Variants in REXO5 observed in about 807,000 individuals in gnomAD.
REXO5 encodes the protein exonuclease NEF-sp.
A neutral mutation model predicts 88.5 loss-of-function variants in REXO5; 48 were observed. That is an observed-to-expected ratio of 0.54 (90% CI 0.43 to 0.69). The LOEUF (loss-of-function observed/expected upper bound fraction) is 0.69. Among genes scored for constraint, REXO5 ranks in the 30% least tolerant of loss-of-function variants. The pLI is 0.00. For synonymous variants in REXO5, 311 were observed against 336.5 expected, an observed-to-expected ratio of 0.92 and a Z score of 0.83; for missense variants, 749 against 912.2, an observed-to-expected ratio of 0.82 and a Z score of 2.30.
intron 11 of REXO5, 21 bp downstream of exon 11, chr16:20,828,558 T>C: frequency 1.0e-5 from 15 of 1,488,764 alleles, no homozygotes; most frequent in Non-Finnish European, 1.4e-5. Flanking sequence ...TTGCCCAGTG[T>C]GTTCACCTTT....
At chr16:20,843,205 C>T (rs1239629564) in intron 15 of REXO5, among the ~76,000 whole-genome samples, 1 of 151,940 alleles carries the variant, frequency 6.6e-6, no homozygotes, top group Admixed American at 6.6e-5. Flanking sequence ...CAGTGTTTGC[C>T]CATTTTTAAA....
intron 13 of REXO5, 42 bp downstream of exon 13, chr16:20,833,165 G>C: frequency 6.3e-7 from 1 of 1,592,360 alleles, no homozygotes; most frequent in Non-Finnish European, 8.6e-7. Flanking sequence ...ATTCAAAGCA[G>C]AGGGGAATGT....
chr16:20,816,952 G>A (rs1355299646), intron 5 of REXO5, among the ~76,000 whole-genome samples: 1 of 152,214 alleles, frequency 6.6e-6, no homozygotes, highest in Non-Finnish European at 1.5e-5. Context: ...ATTCATGATA[G>A]CAGTGTGTTT....
At chr16:20,845,770 G>T (rs560329694) in intron 18 of REXO5, among the ~76,000 whole-genome samples, 55 of 152,080 alleles carry the variant, frequency 3.6e-4, no homozygotes, top group Middle Eastern at 6.8e-3. Flanking sequence ...AAATGTTAGA[G>T]GGATATACAA....
intron 11 of REXO5, among the ~76,000 whole-genome samples, chr16:20,828,987 T>G (rs2081300833): frequency 6.6e-6 from 1 of 151,610 alleles, no homozygotes; most frequent in African/African-American, 2.4e-5. Flanking sequence ...GATTGAATCC[T>G]AAAAAAAGAA....
intron 13 of REXO5, among the ~76,000 whole-genome samples, chr16:20,836,106 T>G (rs1376453408): frequency 6.6e-6 from 1 of 152,094 alleles, no homozygotes; most frequent in Non-Finnish European, 1.5e-5. Flanking sequence ...CTTCCACCAT[T>G]ATCAACAACC....
Position 20,825,900 on chromosome 16 carries a change from T to C in REXO5, c.773T>C (p.Met258Thr). ...SLVAEGGCCV[M>T]DELVKPENKI... ...GTTGCTGAAGGAGGCTGCTGTGTTA[T>C]GGATGAACTGGTCAAACCTGAAAAC... Residue 258 changes from methionine to threonine, a missense_variant, in exon 8 of 20, where the codon ATG becomes ACG. Met to Thr is a moderately conservative substitution (Grantham distance 81, BLOSUM62 -1). Transcript: ENST00000261377. 1 of 1,614,086 alleles carries C rather than the reference T, an allele frequency of 6.2e-7. No homozygotes were observed. Among genetic ancestry groups the C allele is most frequent in the Non-Finnish European group, 8.5e-7 (1 of 1,180,000 alleles).
intron 11 of REXO5, 41 bp downstream of exon 11, chr16:20,828,578 C>T (rs2152505935): frequency 1.5e-6 from 2 of 1,326,104 alleles, no homozygotes; most frequent in African/African-American, 1.4e-5. Context: ...TTCTTAAAAT[C>T]ATGGGACTAG....
At position 20,849,464 on chromosome 16, in the gene REXO5, C is replaced by A. The variant is rs776094899; in HGVS notation, c.2309C>A (p.Pro770Gln). The A allele has an allele frequency of 6.2e-7, 1 of 1,614,052 alleles. No homozygotes were observed. The highest frequency in any genetic ancestry group is 8.5e-7 in the Non-Finnish European group (1 of 1,179,912). Reference sequence around the variant, plus strand: ...AAAGAGGAAGAAGAAAGCGCTGGCCCAGGCCTGTGTTCGTGAGTCGGCCTG... The same window carrying A: ...AAAGAGGAAGAAGAAAGCGCTGGCCAAGGCCTGTGTTCGTGAGTCGGCCTG... ...GIKEEEESAG[P>Q]GLCS The change falls in exon 20 of 20, where the codon CCA (proline) becomes CAA (glutamine). Residue 770 changes from proline to glutamine, a missense_variant. Pro to Gln is a moderately conservative substitution (Grantham distance 76). Coordinates refer to ENST00000261377, the MANE Select transcript of REXO5 (RefSeq NM_030941.3).
Position 20,825,864 on chromosome 16 carries a change from G to T in REXO5, c.737G>T (p.Arg246Leu). 6.2e-7 allele frequency: 1 copy of T among 1,613,934 alleles called. No individual in the cohort carries two copies. The highest frequency in any genetic ancestry group is 8.5e-7 in the Non-Finnish European group (1 of 1,179,862). Residue 246 changes from arginine to leucine, a missense_variant, in exon 8 of 20, where the codon CGC (arginine) becomes CTC (leucine). Arg to Leu is a moderately radical substitution (Grantham distance 102). Coordinates refer to ENST00000261377, the MANE Select transcript of REXO5 (RefSeq NM_030941.3). ...CLTSKGRELT[R>L]ISLVAEGGCC... is the part of the protein sequence containing the mutation. ...ACATCCAAGGGGAGAGAGCTAACAC[G>T]CATCTCACTGGTTGCTGAAGGAGGC...
At chr16:20,838,303 G>C (rs2081469010) in intron 13 of REXO5, among the ~76,000 whole-genome samples, 1 of 151,738 alleles carries the variant, frequency 6.6e-6, no homozygotes, top group Non-Finnish European at 1.5e-5. Flanking sequence ...CATCTTAACT[G>C]TTTTTATGTA....
chr16:20,824,519 T>C lies in REXO5; in HGVS notation c.697T>C (p.Cys233Arg), dbSNP rs770470364. 2 of 1,600,534 alleles carry C rather than the reference T, an allele frequency of 1.2e-6. No individual in the cohort carries two copies. Among genetic ancestry groups the C allele is most frequent in the Non-Finnish European group, 1.7e-6 (2 of 1,168,112 alleles). ...CAATAGTCCTCTCTTTGGACTTGAC[T>C]GTGAAATGGCACGTACTACTTTTAA... ...ADNSPLFGLD[C>R]EMCLTSKGRE... Residue 233 changes from cysteine (C) to arginine (R), a missense_variant, in exon 7 of 20, where the codon TGT becomes CGT. Cys to Arg is a radical substitution (Grantham distance 180). Transcript: ENST00000261377.
chr16:20,814,271 C>G (rs7192934), intron 3 of REXO5, among the ~76,000 whole-genome samples: 7,674 of 152,190 alleles, frequency 0.05, 598 homozygotes, highest in African/African-American at 0.17. Context: ...GAGCCTCGCT[C>G]TGTCACCTAG....
At chr16:20,816,031 C>G in intron 4 of REXO5, 85 bp from the exon 5 acceptor site, 1 of 1,027,476 alleles carries the variant, frequency 9.7e-7, no homozygotes. Flanking sequence ...TTTCAAAGCA[C>G]TGAGGTGACA....
In REXO5 at chr16:20,813,286, A is replaced by T; in HGVS notation, c.235A>T (p.Asn79Tyr). The change falls in exon 3 of 20, where the codon AAT (asparagine) becomes TAT (tyrosine). Residue 79 changes from asparagine (N) to tyrosine (Y), a missense_variant. Physicochemically the swap from Asn to Tyr is moderately radical, Grantham distance 143 (BLOSUM62 -2). Transcript: ENST00000261377. ...LLKYAVLGKSNVPKPSWCQLF... is the reference protein window; with the variant it reads ...LLKYAVLGKSYVPKPSWCQLF... ...GAAGTATGCAGTTCTGGGCAAATCC[A>T]ATGTTCCAAAACCCAGGTATGAGAT... 6.2e-7 allele frequency: 1 copy of T among 1,610,464 alleles called. No individual in the cohort carries two copies. Among genetic ancestry groups the T allele is most frequent in the South Asian group, 1.1e-5 (1 of 90,982 alleles).
Position 20,840,465 on chromosome 16 carries a change from T to G in REXO5, c.1623T>G (p.Arg541=), listed in dbSNP as rs111356370. 6.4e-7 allele frequency: 1 copy of G among 1,551,728 alleles called. No homozygotes were observed. Among genetic ancestry groups the G allele is most frequent in the Non-Finnish European group, 8.8e-7 (1 of 1,136,962 alleles). ...CAATGACTTTTGTTCTTGAAACCCGTCAGGTAAGACCGGAAAATTCAGATT... is the reference window on the plus strand; with the variant it reads ...CAATGACTTTTGTTCTTGAAACCCGGCAGGTAAGACCGGAAAATTCAGATT... ...VQSMTFVLET[R]QPHLCIQYEV... Residue 541 remains arginine, a synonymous_variant, in exon 15 of 20, where the codon CGT becomes CGG. Transcript: ENST00000261377.
Position 20,844,679 on chromosome 16 carries a change from T to A in REXO5, c.1770T>A (p.Asn590Lys), listed in dbSNP as rs770079677. 3 of 1,613,884 alleles carry A rather than the reference T, an allele frequency of 1.9e-6. No homozygotes were observed. In the African/African-American group the frequency reaches 4.0e-5, roughly 22 times the overall value. ...ELTLDCDTLV[N>K]ELEGDSENQG... ...CGCTTGATTGTGACACCCTCGTGAA[T>A]GAGCTGGAAGGAGATTCTGAAAACC... Residue 590 changes from asparagine (N) to lysine (K), a missense_variant, in exon 17 of 20, where the codon AAT (asparagine) becomes AAA (lysine). Physicochemically the swap from Asn to Lys is moderately conservative, Grantham distance 94. Transcript: ENST00000261377.
At position 20,807,097 on chromosome 16, in the gene REXO5, C is replaced by A; in HGVS notation, c.138+6C>A. The A allele has an allele frequency of 1.3e-6, 2 of 1,599,318 alleles. No homozygotes were observed. Among genetic ancestry groups the A allele is most frequent in the South Asian group, 2.3e-5 (2 of 88,032 alleles). On this transcript the variant is annotated splice_donor_region_variant and intron_variant, in intron 2 of 19. Coordinates refer to ENST00000261377, the MANE Select transcript of REXO5 (RefSeq NM_030941.3). The stretch of plus-strand genomic sequence containing the variant: ...AGAGTCAGCCCGAGGCCAAGGTGAG[C>A]AACGGGGATCCCGAGCAGGCGGCCC...
chr16:20,834,447 A>G (rs1269581751), intron 13 of REXO5, among the ~76,000 whole-genome samples: 1 of 151,996 alleles, frequency 6.6e-6, no homozygotes, highest in Non-Finnish European at 1.5e-5. Flanking sequence ...GTTCTTTTTT[A>G]TGCGTCTTTT....
Sources: allele counts gnomAD v4.1 joint callset (sites outside exome capture counted in the v4.1 genomes callset), GRCh38; gene constraint gnomAD v4.1.1; transcripts MANE v1.5; gene names NCBI Gene and HGNC (gene_info 2026-07-23, HGNC 2026-07-21).